UBE2R2: variants seen among roughly 807,000 people sequenced by gnomAD.
UBE2R2 encodes the protein ubiquitin-conjugating enzyme E2 R2.
UBE2R2 carries 1 observed loss-of-function variant against 27.8 expected under a neutral mutation model. The ratio of observed to expected loss-of-function variants is 0.04; its 90% CI spans 0.01 to 0.17. The LOEUF (loss-of-function observed/expected upper bound fraction) is 0.17, where lower values mean the gene tolerates loss of function less well. UBE2R2 is among the 10% of genes least tolerant of loss of function. The probability of loss-of-function intolerance (pLI) is 1.00; values close to 1 mark genes in which losing one functional copy is unlikely to be tolerated. For synonymous variants in UBE2R2, 106 were observed against 113.3 expected, an observed-to-expected ratio of 0.94 and a Z score of 0.41; for missense variants, 100 against 291.0, an observed-to-expected ratio of 0.34 and a Z score of 4.78.
At chr9:33,829,315 G>A (rs1820389651) in intron 1 of UBE2R2, among the ~76,000 whole-genome samples, 1 of 152,124 alleles carries the variant, frequency 6.6e-6, no homozygotes, top group Non-Finnish European at 1.5e-5. Context: ...GGGGAGGGTG[G>A]GAATGGTGCC....
chr9:33,824,359 G>A (rs954939920), intron 1 of UBE2R2, among the ~76,000 whole-genome samples: 26 of 151,072 alleles, frequency 1.7e-4, no homozygotes, highest in East Asian at 1.2e-3. Flanking sequence ...GGTGTGGGCC[G>A]GGCGCGGTAG....
At chr9:33,898,805 C>T (rs982282956) in intron 2 of UBE2R2, among the ~76,000 whole-genome samples, 5 of 152,182 alleles carry the variant, frequency 3.3e-5, no homozygotes, top group Non-Finnish European at 7.3e-5. Context: ...TAAATCTTAC[C>T]TTCCATGTTA....
intron 1 of UBE2R2, among the ~76,000 whole-genome samples, chr9:33,876,538 A>C (rs1821605675): frequency 6.6e-6 from 1 of 152,208 alleles, no homozygotes. Flanking sequence ...AGTACAATTT[A>C]AATAGCCTTA....
In UBE2R2 at chr9:33,879,750, CTTTTT is replaced by C. The variant is rs66929161; in HGVS notation, c.178-7112_178-7108del. The stretch of plus-strand genomic sequence containing the variant: ...CAAGCCACGGCGCCTGGTCACAAGA[CTTTTT>C]TTTTTTTTTTTTTTTTTTGAGACGA... On this transcript the variant is annotated intron_variant, in intron 1 of 4. Transcript: ENST00000263228. 5.9e-5 allele frequency among the ~76,000 whole-genome samples: 4 copies of C among 67,382 alleles called. No individual in the cohort carries two copies. In the East Asian group the frequency reaches 1.5e-3, roughly 26 times the overall value. 44.2% of individuals were successfully genotyped at this position (67,382 alleles called of 152,430 possible).
At chr9:33,916,765 T>C (rs1454129292) in intron 4 of UBE2R2, among the ~76,000 whole-genome samples, 1 of 152,196 alleles carries the variant, frequency 6.6e-6, no homozygotes, top group African/African-American at 2.4e-5. Flanking sequence ...CTGGCTATAA[T>C]TGATCCACTG....
intron 1 of UBE2R2, among the ~76,000 whole-genome samples, chr9:33,843,864 A>G (rs535323557): frequency 5.3e-5 from 8 of 152,294 alleles, no homozygotes; most frequent in East Asian, 3.9e-4. Context: ...TTTTCATCCA[A>G]ATATTTTGGG....
chr9:33,847,829 T>C (rs1820880601), intron 1 of UBE2R2, among the ~76,000 whole-genome samples: 1 of 150,408 alleles, frequency 6.6e-6, no homozygotes, highest in Non-Finnish European at 1.5e-5. Flanking sequence ...CTTGGCTCAC[T>C]GCAACTCTGC....
At chr9:33,862,187 T>C (rs182311097) in intron 1 of UBE2R2, among the ~76,000 whole-genome samples, 2 of 152,302 alleles carry the variant, frequency 1.3e-5, no homozygotes, top group Non-Finnish European at 2.9e-5. Flanking sequence ...AATAAAACTT[T>C]ATTGCTTATC....
At chr9:33,885,458 C>G (rs1239637873) in intron 1 of UBE2R2, among the ~76,000 whole-genome samples, 1 of 152,194 alleles carries the variant, frequency 6.6e-6, no homozygotes, top group African/African-American at 2.4e-5. Context: ...ATTGGCCAAG[C>G]TCCAAATCCA....
At chr9:33,890,594 G>T (rs913664855) in intron 2 of UBE2R2, among the ~76,000 whole-genome samples, 1 of 152,036 alleles carries the variant, frequency 6.6e-6, no homozygotes, top group African/African-American at 2.4e-5. Flanking sequence ...GGCAGAACAT[G>T]AGGTCAGGAG....
At chr9:33,874,805 A>G (rs1317983453) in intron 1 of UBE2R2, among the ~76,000 whole-genome samples, 2 of 151,970 alleles carry the variant, frequency 1.3e-5, no homozygotes, top group African/African-American at 4.8e-5. Context: ...CAGGACTACA[A>G]GTGCACACCA....
intron 1 of UBE2R2, among the ~76,000 whole-genome samples, chr9:33,853,179 G>A (rs908823543): frequency 5.5e-5 from 8 of 145,440 alleles, no homozygotes; most frequent in African/African-American, 2.0e-4. Flanking sequence ...CCTACTATCT[G>A]TACTTGGTTC....
At position 33,854,286 on chromosome 9, in the gene UBE2R2, G is replaced by A. The variant is rs570393435; in HGVS notation, c.178-32595G>A. ...AAAGACTTCCTTCTTTATCTTTGCTGTGTACAGAGTTCTATATATTGTCTA... is the reference window on the plus strand; with the variant it reads ...AAAGACTTCCTTCTTTATCTTTGCTATGTACAGAGTTCTATATATTGTCTA... On this transcript the variant is annotated intron_variant, in intron 1 of 4. Coordinates refer to ENST00000263228, the MANE Select transcript of UBE2R2 (RefSeq NM_017811.4). 7.9e-5 allele frequency among the ~76,000 whole-genome samples: 12 copies of A among 151,568 alleles called. No homozygotes were observed. In the East Asian group the frequency reaches 2.1e-3, roughly 27 times the overall value.
At chr9:33,890,107 A>AG (rs2130799196) in intron 2 of UBE2R2, among the ~76,000 whole-genome samples, 1 of 152,242 alleles carries the variant, frequency 6.6e-6, no homozygotes, top group South Asian at 2.1e-4. Flanking sequence ...AAAGAAGTGT[A>AG]GGTAGGTAAT....
intron 1 of UBE2R2, among the ~76,000 whole-genome samples, chr9:33,841,527 A>G (rs1333223485): frequency 6.6e-6 from 1 of 151,964 alleles, no homozygotes; most frequent in Non-Finnish European, 1.5e-5. Flanking sequence ...TTTATAACCT[A>G]TTATTTCTTC....
intron 1 of UBE2R2, among the ~76,000 whole-genome samples, chr9:33,861,201 C>A (rs1357381926): frequency 6.7e-6 from 1 of 150,056 alleles, no homozygotes; most frequent in East Asian, 2.0e-4. Flanking sequence ...ACCTCATGAT[C>A]CGCCCGCCTC....
rs182048502 is a variant in UBE2R2, at chr9:33,905,027, G to A, written c.362+4756G>A. On this transcript the variant is annotated intron_variant, in intron 3 of 4. Transcript: ENST00000263228. ...GGGATAGGGTAGGGTGGGAGTGGGA[G>A]TAGCAAAGCCCTCAGACTTTGCTAT... Among the ~76,000 whole-genome samples the A allele has an allele frequency of 5.9e-5, 9 of 152,272 alleles. No individual in the cohort carries two copies. In the East Asian group the frequency reaches 1.7e-3, roughly 29 times the overall value.
At chr9:33,846,329 A>G (rs1749267) in intron 1 of UBE2R2, among the ~76,000 whole-genome samples, 9,273 of 151,910 alleles carry the variant, frequency 0.061, 637 homozygotes, top group African/African-American at 0.17. Context: ...TTTTGCTACT[A>G]TTTTCCCGTG....
intron 1 of UBE2R2, among the ~76,000 whole-genome samples, chr9:33,861,833 T>C (rs962859187): frequency 6.6e-6 from 1 of 151,746 alleles, no homozygotes; most frequent in Non-Finnish European, 1.5e-5. Context: ...AGATACCATT[T>C]GTTGATCCAC....
Sources: allele counts gnomAD v4.1 joint callset (sites outside exome capture counted in the v4.1 genomes callset), GRCh38; gene constraint gnomAD v4.1.1; transcripts MANE v1.5; gene names NCBI Gene and HGNC (gene_info 2026-07-23, HGNC 2026-07-21).